Variants in PIK3CB observed in about 807,000 individuals in gnomAD.
PIK3CB encodes phosphatidylinositol 4,5-bisphosphate 3-kinase catalytic subunit beta isoform.
In PIK3CB, 39 loss-of-function variants were observed where a neutral mutation model predicts 136.8. That is an observed-to-expected ratio of 0.29 (90% CI 0.22 to 0.37). The LOEUF (loss-of-function observed/expected upper bound fraction) is 0.37. Ranked by LOEUF, PIK3CB falls within the 10% of genes least tolerant of loss-of-function variation. The pLI, the probability that PIK3CB is intolerant of heterozygous loss-of-function variation, is 1.00. For missense variants in PIK3CB, 868 were observed against 1,275.4 expected, an observed-to-expected ratio of 0.68 and a Z score of 4.87; for synonymous variants, 428 against 436.6, an observed-to-expected ratio of 0.98 and a Z score of 0.25.
intron 2 of PIK3CB, among the ~76,000 whole-genome samples, chr3:138,781,430 A>G (rs907314308): frequency 3.9e-5 from 6 of 151,924 alleles, no homozygotes; most frequent in Non-Finnish European, 8.8e-5. Context: ...CCTGGACAAC[A>G]TAGTGAGACC....
intron 1 of PIK3CB, among the ~76,000 whole-genome samples, chr3:138,812,519 G>C (rs544267148): frequency 6.0e-4 from 90 of 151,212 alleles, no homozygotes; most frequent in Admixed American, 1.6e-3. Flanking sequence ...ACAGGCATGA[G>C]CCACTGTGCC....
At chr3:138,659,771 A>C (rs1461211852) in intron 21 of PIK3CB, among the ~76,000 whole-genome samples, 2 of 151,446 alleles carry the variant, frequency 1.3e-5, no homozygotes, top group African/African-American at 4.9e-5. Context: ...ATTCTCAGAA[A>C]ATTTTTGTGC....
chr3:138,790,156 T>C (rs1160531584), intron 2 of PIK3CB, among the ~76,000 whole-genome samples: 1 of 151,950 alleles, frequency 6.6e-6, no homozygotes, highest in African/African-American at 2.4e-5. Flanking sequence ...AGACAGAAAA[T>C]AGAACAGTGG....
At chr3:138,776,976 T>C (rs575528746) in intron 2 of PIK3CB, among the ~76,000 whole-genome samples, 1 of 138,342 alleles carries the variant, frequency 7.2e-6, no homozygotes, top group East Asian at 2.0e-4. Context: ...TATTGAAAAG[T>C]AGCTTAAAAA....
At chr3:138,680,638 G>A (rs925413283) in intron 19 of PIK3CB, among the ~76,000 whole-genome samples, 1 of 151,624 alleles carries the variant, frequency 6.6e-6, no homozygotes, top group Non-Finnish European at 1.5e-5. Context: ...TAGCACCCTA[G>A]ACTGGATTAT....
At chr3:138,813,679 A>G (rs1667100717) in intron 1 of PIK3CB, among the ~76,000 whole-genome samples, 1 of 151,856 alleles carries the variant, frequency 6.6e-6, no homozygotes, top group African/African-American at 2.4e-5. Context: ...GGTCTCCCAA[A>G]ATGCTGGGAT....
intron 2 of PIK3CB, among the ~76,000 whole-genome samples, chr3:138,768,856 A>G (rs1012134309): frequency 2.0e-5 from 3 of 152,198 alleles, no homozygotes; most frequent in Non-Finnish European, 4.4e-5. Context: ...GGGTGCCGAC[A>G]ATAGGGAAAA....
chr3:138,758,115 G>C (rs1029115331), intron 3 of PIK3CB, among the ~76,000 whole-genome samples: 2 of 152,202 alleles, frequency 1.3e-5, no homozygotes, highest in Admixed American at 6.5e-5. Context: ...CTACAACATG[G>C]ATGAACTTTA....
intron 10 of PIK3CB, among the ~76,000 whole-genome samples, chr3:138,708,257 C>CT (rs1352602422): frequency 7.5e-6 from 1 of 132,524 alleles, no homozygotes. Flanking sequence ...TCAATTTTTT[C>CT]TTTTTCTTTT....
At chr3:138,804,705 CA>C (rs1395837502) in intron 1 of PIK3CB, among the ~76,000 whole-genome samples, 1 of 152,070 alleles carries the variant, frequency 6.6e-6, no homozygotes, top group Non-Finnish European at 1.5e-5. Context: ...AATTTCTTTC[CA>C]AAGTATACTG....
At chr3:138,753,243 G>A (rs1285230430) in intron 4 of PIK3CB, among the ~76,000 whole-genome samples, 3 of 151,920 alleles carry the variant, frequency 2.0e-5, no homozygotes, top group Admixed American at 2.0e-4. Context: ...AAAAACAGCT[G>A]GGCGCAGTGG....
At chr3:138,699,812 G>A (rs748257238) in intron 12 of PIK3CB, among the ~76,000 whole-genome samples, 2 of 152,014 alleles carry the variant, frequency 1.3e-5, no homozygotes, top group African/African-American at 2.4e-5. Flanking sequence ...GTCTAGCTCT[G>A]TTTCACAAAA....
chr3:138,655,964 A>C (rs549310566), intron 23 of PIK3CB, among the ~76,000 whole-genome samples, 178 bp downstream of exon 23: 8 of 152,242 alleles, frequency 5.3e-5, no homozygotes, highest in African/African-American at 1.7e-4. Flanking sequence ...TCTGGGTTAC[A>C]AGCTACTCTA....
At chr3:138,815,321 C>A (rs1363632140) in intron 1 of PIK3CB, among the ~76,000 whole-genome samples, 1 of 133,356 alleles carries the variant, frequency 7.5e-6, no homozygotes, top group Non-Finnish European at 1.6e-5. Flanking sequence ...TGTGCCACTG[C>A]ACTCCAGCCT....
At chr3:138,727,993 G>C (rs1273251408) in intron 8 of PIK3CB, among the ~76,000 whole-genome samples, 2 of 151,862 alleles carry the variant, frequency 1.3e-5, no homozygotes, top group African/African-American at 2.4e-5. Flanking sequence ...TCCTGACCTC[G>C]AGATCCGCCC....
chr3:138,664,015 C>A lies in PIK3CB; in HGVS notation c.2687G>T (p.Arg896Leu), dbSNP rs142933486. The change falls in exon 21 of 24, where the codon CGA (arginine) becomes CTA (leucine). Residue 896 changes from arginine to leucine, a missense_variant. By Grantham distance (102) the Arg-to-Leu change is moderately radical. Coordinates refer to ENST00000674063, the MANE Select transcript of PIK3CB (RefSeq NM_006219.3). ...GGACAGTGTAAATTCCTCAATGGCT[C>A]GGTCCAGGTCATCCCTGAACAAGAG... ...KEYNSGDDLD[R>L]AIEEFTLSCA... 1.4e-4 allele frequency: 222 copies of A among 1,613,506 alleles called. 1 individual carries two copies. The East Asian group carries it at 4.4e-3, about 32-fold the overall frequency.
At position 138,655,269 on chromosome 3, in the gene PIK3CB, C is replaced by CT. The variant is rs1366369603; in HGVS notation, c.*119dup. ...GGGATGCCTTGTTCTTAATTTAACT[C>CT]TGAGTTCCAGGATTTCATTCCCTTT... On this transcript the variant is annotated 3_prime_UTR_variant, in exon 24 of 24. Coordinates refer to ENST00000674063, the MANE Select transcript of PIK3CB (RefSeq NM_006219.3). The CT allele has an allele frequency of 4.1e-6, 4 of 978,864 alleles. No homozygotes were observed. The Admixed American group carries it at 6.7e-5, about 16-fold the overall frequency. 60.6% of individuals were successfully genotyped at this position (978,864 alleles called of 1,614,324 possible).
intron 4 of PIK3CB, among the ~76,000 whole-genome samples, chr3:138,745,282 G>A (rs1056413467): frequency 1.3e-5 from 2 of 152,008 alleles, no homozygotes; most frequent in African/African-American, 2.4e-5. Flanking sequence ...AACTCAGGGG[G>A]TTCTGGGTGG....
intron 8 of PIK3CB, among the ~76,000 whole-genome samples, chr3:138,728,609 C>G (rs942429841): frequency 2.0e-5 from 3 of 151,614 alleles, no homozygotes; most frequent in Non-Finnish European, 4.4e-5. Context: ...AACCCCGTCT[C>G]TACTAAAAAA....
Sources: gnomAD v4.1 joint callset for allele counts (sites outside exome capture counted in the v4.1 genomes callset) on GRCh38, gnomAD v4.1.1 for gene constraint, MANE v1.5 for transcripts, NCBI Gene and HGNC (gene_info 2026-07-23, HGNC 2026-07-21) for gene names.